Variants in CCNB3 observed in about 807,000 individuals in gnomAD.
CCNB3 encodes the protein G2/mitotic-specific cyclin-B3.
In CCNB3, 12 loss-of-function variants were observed where a neutral mutation model predicts 68.0. The ratio of observed to expected loss-of-function variants is 0.18; its 90% CI spans 0.11 to 0.29. CCNB3 has a LOEUF of 0.29. Ranked by LOEUF, CCNB3 falls within the 10% of genes least tolerant of loss-of-function variation. The probability of loss-of-function intolerance (pLI) is 1.00; values close to 1 mark genes in which losing one functional copy is unlikely to be tolerated. For missense variants in CCNB3, 904 were observed against 993.1 expected (o/e 0.91, Z 1.21); for synonymous variants, 354 against 388.9 (o/e 0.91, Z 1.06).
At chrX:50,279,582 A>G (rs1037898350) in intron 1 of CCNB3, among the ~76,000 whole-genome samples, 1,711 of 87,913 alleles carry the variant, frequency 0.019, 40 homozygotes, top group African/African-American at 0.065. Context: ...CTATATATAA[A>G]TATATATTCA....
At chrX:50,342,436 A>G (rs1923189103) in intron 9 of CCNB3, 97 bp downstream of exon 9, 1 of 903,398 alleles carries the variant, frequency 1.1e-6, no homozygotes, top group African/African-American at 2.0e-5. Flanking sequence ...TATGTGCTGC[A>G]TAACAATGTT....
intron 3 of CCNB3, among the ~76,000 whole-genome samples, chrX:50,288,502 C>T (rs201262124): frequency 3.4e-3 from 375 of 111,164 alleles, no homozygotes; most frequent in African/African-American, 0.011. Flanking sequence ...GAGAAATGAG[C>T]TTTACTGAGC....
At chrX:50,316,869 T>C (rs1023776742) in intron 8 of CCNB3, among the ~76,000 whole-genome samples, 12 of 112,616 alleles carry the variant, frequency 1.1e-4, no homozygotes, top group Non-Finnish European at 2.3e-4. Context: ...ATTTAGTTTG[T>C]TTCCAGTTTT....
At chrX:50,280,256 C>G (rs1201496462) in intron 1 of CCNB3, among the ~76,000 whole-genome samples, 2 of 55,459 alleles carry the variant, frequency 3.6e-5, no homozygotes, top group African/African-American at 6.2e-5. Context: ...ATATAAATAT[C>G]TATATAGAAT....
chrX:50,324,559 T>A (rs1922200760), intron 8 of CCNB3, among the ~76,000 whole-genome samples: 1 of 112,421 alleles, frequency 8.9e-6, no homozygotes, highest in South Asian at 3.6e-4. Flanking sequence ...ATCCTCTTTG[T>A]CTTTTCAAAG....
chrX:50,221,418 TA>T (rs1935671793), intron 1 of CCNB3, among the ~76,000 whole-genome samples: 1 of 110,552 alleles, frequency 9.0e-6, no homozygotes, highest in Non-Finnish European at 1.9e-5. Context: ...TTTAGTGCTA[TA>T]AATTTCCCTC....
intron 8 of CCNB3, among the ~76,000 whole-genome samples, chrX:50,316,227 C>T (rs1208037404): frequency 9.0e-6 from 1 of 111,445 alleles, no homozygotes; most frequent in Non-Finnish European, 1.9e-5. Flanking sequence ...GTTCCTCCTT[C>T]ACCTTTTTCC....
At chrX:50,279,191 C>G (rs1375584754) in intron 1 of CCNB3, among the ~76,000 whole-genome samples, 2 of 15,858 alleles carry the variant, frequency 1.3e-4, no homozygotes, top group Admixed American at 1.6e-3. Context: ...AATATATTCT[C>G]TATATATAAA....
chrX:50,279,080 A>G (rs1437258018), intron 1 of CCNB3, among the ~76,000 whole-genome samples: 3 of 59,588 alleles, frequency 5.0e-5, no homozygotes, highest in Admixed American at 3.0e-4. Context: ...TAGAACATAT[A>G]TAAATATATA....
intron 1 of CCNB3, among the ~76,000 whole-genome samples, chrX:50,227,248 A>AAT (rs1476167325): frequency 1.2e-5 from 1 of 81,816 alleles, no homozygotes; most frequent in Non-Finnish European, 2.2e-5. Flanking sequence ...ATATATACAG[A>AAT]ATATATATAT....
intron 1 of CCNB3, among the ~76,000 whole-genome samples, chrX:50,279,772 G>T (rs1379471789): frequency 1.1e-5 from 1 of 87,056 alleles, no homozygotes. Flanking sequence ...ATATGAATAT[G>T]TATATTCATA....
intron 8 of CCNB3, among the ~76,000 whole-genome samples, chrX:50,323,290 A>T (rs1370512329): frequency 9.0e-6 from 1 of 110,672 alleles, no homozygotes; most frequent in Non-Finnish European, 1.9e-5. Context: ...GAAGCTGGAA[A>T]CCATCGTTCT....
intron 5 of CCNB3, among the ~76,000 whole-genome samples, chrX:50,303,514 A>G (rs920822268): frequency 9.3e-6 from 1 of 107,482 alleles, no homozygotes; most frequent in Non-Finnish European, 1.9e-5. Context: ...TGTGGTTTTT[A>G]GGTTTGCATT....
At chrX:50,305,655 TA>T (rs200135805) in intron 5 of CCNB3, among the ~76,000 whole-genome samples, 19 of 108,421 alleles carry the variant, frequency 1.8e-4, no homozygotes, top group Non-Finnish European at 2.7e-4. Flanking sequence ...TAAAGTATAT[TA>T]AAAAAAAAGA....
At chrX:50,292,918 C>T (rs192514076) in intron 4 of CCNB3, among the ~76,000 whole-genome samples, 10 of 111,593 alleles carry the variant, frequency 9.0e-5, no homozygotes, top group East Asian at 2.8e-4. Flanking sequence ...TTCTGGTTCC[C>T]TTTAATGGGG....
intron 8 of CCNB3, among the ~76,000 whole-genome samples, chrX:50,325,903 G>GT (rs1363024216): frequency 2.5e-4 from 27 of 107,027 alleles, no homozygotes; most frequent in East Asian, 8.8e-4. Flanking sequence ...CTTTTTTAAA[G>GT]TTTTTTTTTT....
At chrX:50,343,841 A>G (rs1383600238) in intron 9 of CCNB3, among the ~76,000 whole-genome samples, 1 of 112,750 alleles carries the variant, frequency 8.9e-6, no homozygotes, top group Non-Finnish European at 1.9e-5. Flanking sequence ...AAATAAAGTT[A>G]CAGTAAGCTA....
intron 8 of CCNB3, among the ~76,000 whole-genome samples, chrX:50,336,856 T>C (rs1382003247): frequency 9.0e-6 from 1 of 111,324 alleles, no homozygotes; most frequent in Admixed American, 9.5e-5. Context: ...GCCACTTAGT[T>C]GCCGCCTGGA....
At chrX:50,283,163 G>A (rs777030335) in intron 1 of CCNB3, among the ~76,000 whole-genome samples, 1 of 111,850 alleles carries the variant, frequency 8.9e-6, no homozygotes, top group South Asian at 3.8e-4. Flanking sequence ...TTTTGAAAAT[G>A]AGGAAACTGA....
Sources: allele counts gnomAD v4.1 joint callset (sites outside exome capture counted in the v4.1 genomes callset), GRCh38; gene constraint gnomAD v4.1.1; transcripts MANE v1.5; gene names NCBI Gene and HGNC (gene_info 2026-07-23, HGNC 2026-07-21).